The following GLRA2 variants were observed in gnomAD, a reference collection of about 807,000 sequenced individuals.
The protein encoded by GLRA2 is glycine receptor alpha 2.
A neutral mutation model predicts 31.6 loss-of-function variants in GLRA2; 11 were observed. That is an observed-to-expected ratio of 0.35 (90% CI 0.22 to 0.58). The LOEUF (loss-of-function observed/expected upper bound fraction) is 0.58, where lower values mean the gene tolerates loss of function less well. GLRA2 is among the 20% of genes least tolerant of loss of function. GLRA2 has a pLI of 0.84. For synonymous variants in GLRA2, 132 were observed against 134.0 expected (o/e 0.99, Z 0.10); for missense variants, 212 against 351.8 (o/e 0.60, Z 3.18).
the GLRA2 span, among the ~76,000 whole-genome samples, chrX:14,474,652 AGCTGGGATGGCTGGGATG>A: frequency 0.21 from 14,709 of 70,731 alleles, 1,949 homozygotes; most frequent in African/African-American, 0.29. Context: ...GGATGGCTTC[AGCTGGGATGGCTGGGATG>A]GCTGGGATGG....
chrX:14,557,708 A>G (rs376163013), intron 2 of GLRA2, among the ~76,000 whole-genome samples: 2 of 111,333 alleles, frequency 1.8e-5, no homozygotes, highest in African/African-American at 6.5e-5. Flanking sequence ...CACATTTCTG[A>G]TTGTCACAAC....
chrX:14,479,440 G>A, the GLRA2 span, among the ~76,000 whole-genome samples: 1 of 111,186 alleles, frequency 9.0e-6, no homozygotes, highest in Non-Finnish European at 1.9e-5. Flanking sequence ...TTTCTTACCT[G>A]GGTATGTTGC....
chrX:14,559,419 C>CTTTTT (rs753470377), intron 2 of GLRA2, among the ~76,000 whole-genome samples: 232 of 48,584 alleles, frequency 4.8e-3, no homozygotes, highest in Middle Eastern at 0.015. Context: ...GGGGCCATTT[C>CTTTTT]TTTTTTTTTT....
rs758805450 is a variant in GLRA2, at chrX:14,557,056, C to T, written c.203-17277C>T. ...TTTTCTGATTAACAAACTCAACAAA[C>T]GAGTATAAGTTCTATTATACTGCCA... On this transcript the variant is annotated intron_variant, in intron 2 of 8. Coordinates refer to ENST00000218075, the MANE Select transcript of GLRA2 (RefSeq NM_002063.4). Among the ~76,000 whole-genome samples, 3 of 102,748 alleles carry T rather than the reference C, an allele frequency of 2.9e-5. No homozygotes were observed. The South Asian group carries it at 1.4e-3, about 47-fold the overall frequency. The allele number at this position is 102,748 out of a possible 115,157, so 89.2% of individuals were successfully genotyped here.
intron 7 of GLRA2, among the ~76,000 whole-genome samples, chrX:14,672,569 G>GT (rs2091104881): frequency 2.1e-5 from 2 of 94,251 alleles, no homozygotes; most frequent in Admixed American, 1.1e-4. Flanking sequence ...TTGTGCTTCT[G>GT]GTTTTTTTGT....
intron 7 of GLRA2, among the ~76,000 whole-genome samples, chrX:14,685,687 T>C (rs772135742): frequency 8.9e-6 from 1 of 111,850 alleles, no homozygotes; most frequent in East Asian, 2.8e-4. Flanking sequence ...TTTTATTGCG[T>C]CTATTTGATT....
chrX:14,657,576 G>A (rs781773567), intron 7 of GLRA2, among the ~76,000 whole-genome samples: 1 of 112,536 alleles, frequency 8.9e-6, no homozygotes, highest in African/African-American at 3.2e-5. Context: ...TTGAGTCTCT[G>A]GTTCCAGCCA....
chrX:14,658,364 C>T (rs765047183), intron 7 of GLRA2, among the ~76,000 whole-genome samples: 23 of 111,639 alleles, frequency 2.1e-4, no homozygotes, highest in African/African-American at 7.1e-4. Flanking sequence ...AAAATTAAAT[C>T]GTTTTCGTCT....
the GLRA2 span, among the ~76,000 whole-genome samples, chrX:14,465,773 C>A: frequency 9.0e-6 from 1 of 111,543 alleles, no homozygotes; most frequent in Non-Finnish European, 1.9e-5. Context: ...CTTTTTTGCC[C>A]CAAATTCTTT....
chrX:14,476,927 G>A, the GLRA2 span, among the ~76,000 whole-genome samples: 3 of 111,853 alleles, frequency 2.7e-5, no homozygotes, highest in Non-Finnish European at 1.9e-5. Flanking sequence ...GGAAGACACT[G>A]AGTTATGTCT....
At chrX:14,530,195 T>C in intron 1 of GLRA2, 70 bp downstream of exon 1, 1 of 643,256 alleles carries the variant, frequency 1.6e-6, no homozygotes, top group Admixed American at 2.3e-5. Context: ...AATTGTGTAT[T>C]TATCTGTGCT....
At chrX:14,557,240 C>T (rs768471697) in intron 2 of GLRA2, among the ~76,000 whole-genome samples, 2 of 104,715 alleles carry the variant, frequency 1.9e-5, no homozygotes, top group South Asian at 4.4e-4. Flanking sequence ...CTCAGCCTCC[C>T]GAGTAGCTGG....
rs138246879 is a variant in GLRA2, at chrX:14,529,920, A to G, written c.-138A>G. 7.0e-4 allele frequency: 381 copies of G among 543,026 alleles called. 1 individual carries two copies. In the African/African-American group the frequency reaches 8.0e-3, roughly 11 times the overall value. 44.8% of individuals were successfully genotyped at this position (543,026 alleles called of 1,213,427 possible). ...TTTCTTTTTTCTCAGCAAACTGTAC[A>G]AAACCAAATCTCTTTTTGATTTTCA... is the stretch of plus-strand genomic sequence containing the variant. On this transcript the variant is annotated 5_prime_UTR_variant, in exon 1 of 9. Coordinates refer to ENST00000218075, the MANE Select transcript of GLRA2 (RefSeq NM_002063.4).
Position 14,529,812 on chromosome X carries a change from A to G in GLRA2, c.-246A>G. The stretch of plus-strand genomic sequence containing the variant: ...AGGAAAAGCAGCTGGGGGATTCATC[A>G]GTTCTGAGGCTTTGTCTTTCTGGGT... On this transcript the variant is annotated 5_prime_UTR_variant, in exon 1 of 9. Coordinates refer to ENST00000218075, the MANE Select transcript of GLRA2 (RefSeq NM_002063.4). 2 of 407,160 alleles carry G rather than the reference A, an allele frequency of 4.9e-6. No homozygotes were observed. Among genetic ancestry groups the G allele is most frequent in the Non-Finnish European group, 8.5e-6 (2 of 234,891 alleles). 33.6% of individuals were successfully genotyped at this position (407,160 alleles called of 1,213,427 possible).
At chrX:14,503,759 A>G in the GLRA2 span, among the ~76,000 whole-genome samples, 3 of 111,417 alleles carry the variant, frequency 2.7e-5, no homozygotes, top group East Asian at 2.8e-4. Flanking sequence ...TCTGCGCATG[A>G]GAACCTCCAG....
At chrX:14,463,837 A>G in the GLRA2 span, among the ~76,000 whole-genome samples, 8 of 111,791 alleles carry the variant, frequency 7.2e-5, no homozygotes, top group African/African-American at 1.3e-4. Context: ...CGGTGAGGCA[A>G]TGCCCTGCCC....
chrX:14,602,352 G>GTTGTCTGT (rs2090285000), intron 4 of GLRA2, among the ~76,000 whole-genome samples: 1 of 104,217 alleles, frequency 9.6e-6, no homozygotes, highest in Non-Finnish European at 2.0e-5. Context: ...TGTACAAACC[G>GTTGTCTGT]TTGTTTGTTT....
In GLRA2 at chrX:14,564,047, T is replaced by A. The variant is rs750617934; in HGVS notation, c.203-10286T>A. Among the ~76,000 whole-genome samples, 5 of 111,249 alleles carry A rather than the reference T, an allele frequency of 4.5e-5. No individual in the cohort carries two copies. The Admixed American group carries it at 4.7e-4, about 11-fold the overall frequency. ...TGGAAAGAATATATGAATAAAAAAA[T>A]TTTGAGAAATAACAGTTCCCACATT... On this transcript the variant is annotated intron_variant, in intron 2 of 8. Transcript: ENST00000218075.
the GLRA2 span, among the ~76,000 whole-genome samples, chrX:14,484,722 G>T: frequency 2.8e-4 from 31 of 111,742 alleles, no homozygotes; most frequent in African/African-American, 1.0e-3. Flanking sequence ...TAGATGTATA[G>T]AGGGACACTA....
Sources: allele counts gnomAD v4.1 joint callset (sites outside exome capture counted in the v4.1 genomes callset), GRCh38; gene constraint gnomAD v4.1.1; transcripts MANE v1.5; gene names NCBI Gene and HGNC (gene_info 2026-07-23, HGNC 2026-07-21).